CDH4: variants seen among roughly 807,000 people sequenced by gnomAD.
The protein encoded by CDH4 is cadherin-4.
A neutral mutation model predicts 86.0 loss-of-function variants in CDH4; 33 were observed. The observed-to-expected ratio is 0.38, with a 90% CI of 0.29 to 0.51. The LOEUF is 0.51. CDH4 is among the 20% of genes least tolerant of loss of function. The probability of loss-of-function intolerance (pLI) is 0.86; values close to 1 mark genes in which losing one functional copy is unlikely to be tolerated. For missense variants in CDH4, 1,114 were observed against 1,307.4 expected (o/e 0.85, Z 2.28); for synonymous variants, 555 against 549.4 (o/e 1.01, Z -0.14).
rs1198103689 is a variant in CDH4, at chr20:61,518,795, TCATC to T, written c.170-224761_170-224758del. Among the ~76,000 whole-genome samples, 2 of 151,708 alleles carry T rather than the reference TCATC, an allele frequency of 1.3e-5. No homozygotes were observed. The highest frequency in any genetic ancestry group is 1.3e-4 in the Admixed American group (2 of 15,252). On this transcript the variant is annotated intron_variant, in intron 2 of 15. Coordinates refer to ENST00000614565, the MANE Select transcript of CDH4 (RefSeq NM_001794.5). This position sits in a 1 kb window ranked among gnomAD's most constrained non-coding sequence, Gnocchi z 6.3. Reference sequence around the variant, plus strand: ...ATCCATCCTTTCATCCATCATTCATTCATCCATCCACCCATCATCCATCCATTAA... The same window carrying T: ...ATCCATCCTTTCATCCATCATTCATTCATCCACCCATCATCCATCCATTAA...
At chr20:61,527,596 C>T (rs2085920103) in intron 2 of CDH4, among the ~76,000 whole-genome samples, 1 of 152,152 alleles carries the variant, frequency 6.6e-6, no homozygotes, top group Admixed American at 6.6e-5. Flanking sequence ...AGCAGGGATC[C>T]ATGCAGTGAG....
chr20:61,355,276 G>A (rs1194185089), intron 2 of CDH4, among the ~76,000 whole-genome samples: 2 of 152,224 alleles, frequency 1.3e-5, no homozygotes, highest in East Asian at 1.9e-4. Context: ...AAAGGCTGGA[G>A]CAGGAACCGG....
chr20:61,846,397 G>T (rs1048733913), intron 5 of CDH4, among the ~76,000 whole-genome samples: 3 of 152,204 alleles, frequency 2.0e-5, no homozygotes, highest in Non-Finnish European at 2.9e-5. Context: ...TCCCAAAACG[G>T]GCTTTGGGCT....
At chr20:61,267,310 G>T (rs752435103) in intron 2 of CDH4, among the ~76,000 whole-genome samples, 1 of 152,182 alleles carries the variant, frequency 6.6e-6, no homozygotes, top group African/African-American at 2.4e-5. Flanking sequence ...CAGGGAATCC[G>T]ATCTTTGCGA....
At chr20:61,531,452 G>A (rs1020079995) in intron 2 of CDH4, among the ~76,000 whole-genome samples, 24 of 131,018 alleles carry the variant, frequency 1.8e-4, no homozygotes, top group African/African-American at 4.3e-4. Flanking sequence ...CAGCCTGGGC[G>A]ACAGAGCAAG....
intron 7 of CDH4, among the ~76,000 whole-genome samples, chr20:61,877,602 T>A (rs1255396767): frequency 6.6e-6 from 1 of 152,104 alleles, no homozygotes; most frequent in Non-Finnish European, 1.5e-5. Context: ...TCAGGCGTGG[T>A]GTGCTGGAGA....
intron 2 of CDH4, among the ~76,000 whole-genome samples, chr20:61,600,556 T>G (rs2086592469): frequency 6.6e-6 from 1 of 152,180 alleles, no homozygotes; most frequent in South Asian, 2.1e-4. Context: ...CAACTCACCC[T>G]GCGCAGTGCC....
rs187550857 is a variant in CDH4, at chr20:61,748,091, G to A, written c.396+4302G>A. 3.6e-3 allele frequency among the ~76,000 whole-genome samples: 552 copies of A among 152,306 alleles called. 2 individuals carry two copies. The highest frequency in any genetic ancestry group is 0.013 in the African/African-American group (520 of 41,550). On this transcript the variant is annotated intron_variant, in intron 3 of 15. Transcript: ENST00000614565. Reference sequence around the variant, plus strand: ...ACTTCTCCGCAGGAGCTGGGGCGTTGTGGGGGGGTTGGAAGACCGTTCCAT... The same window carrying A: ...ACTTCTCCGCAGGAGCTGGGGCGTTATGGGGGGGTTGGAAGACCGTTCCAT...
intron 2 of CDH4, among the ~76,000 whole-genome samples, chr20:61,298,125 G>A (rs2084366679): frequency 6.6e-6 from 1 of 151,700 alleles, no homozygotes. Context: ...GGTGCTTGGA[G>A]TAAGTGAAGA....
intron 2 of CDH4, among the ~76,000 whole-genome samples, chr20:61,462,181 A>G (rs188048512): frequency 3.9e-4 from 59 of 152,326 alleles, no homozygotes; most frequent in Non-Finnish European, 5.4e-4. Context: ...TTGAACCGCC[A>G]TCTCCCAGCC....
intron 2 of CDH4, chr20:61,719,316 AGGTAC>A: frequency 2.8e-6 from 1 of 358,738 alleles, no homozygotes; most frequent in Non-Finnish European, 5.8e-6. Flanking sequence ...GAATCTTCCA[AGGTAC>A]GAGTCAGCCA....
At position 61,708,267 on chromosome 20, in the gene CDH4, C is replaced by G. The variant is rs888407104; in HGVS notation, c.170-35296C>G. Reference sequence around the variant, plus strand: ...TGGCCAGCAGGGGGTTGACTTTTACCCCGAACCAGATGTACCAAGCACCCC... The same window carrying G: ...TGGCCAGCAGGGGGTTGACTTTTACGCCGAACCAGATGTACCAAGCACCCC... On this transcript the variant is annotated intron_variant, in intron 2 of 15. Coordinates refer to ENST00000614565, the MANE Select transcript of CDH4 (RefSeq NM_001794.5). This position sits in a 1 kb window ranked among gnomAD's most constrained non-coding sequence, Gnocchi z 4.5. 1.3e-5 allele frequency among the ~76,000 whole-genome samples: 2 copies of G among 152,042 alleles called. No homozygotes were observed. The highest frequency in any genetic ancestry group is 1.5e-5 in the Non-Finnish European group (1 of 67,984).
intron 2 of CDH4, among the ~76,000 whole-genome samples, chr20:61,714,025 T>TG: frequency 7.5e-6 from 1 of 132,698 alleles, no homozygotes; most frequent in African/African-American, 3.7e-5. Context: ...ATTCTTTTTT[T>TG]ATTTTATTTT....
In CDH4 at chr20:61,793,914, A is replaced by G. The variant is rs1384116026; in HGVS notation, c.576+20732A>G. 2.3e-4 allele frequency among the ~76,000 whole-genome samples: 34 copies of G among 150,608 alleles called. No homozygotes were observed. The East Asian group carries it at 2.8e-3, about 12-fold the overall frequency. Reference sequence around the variant, plus strand: ...AGCACTTTGGGAGGCCAAGGCGGGTAGATCACGAAGTCAGGAGATAGAGAG... The same window carrying G: ...AGCACTTTGGGAGGCCAAGGCGGGTGGATCACGAAGTCAGGAGATAGAGAG... On this transcript the variant is annotated intron_variant, in intron 4 of 15. Coordinates refer to ENST00000614565, the MANE Select transcript of CDH4 (RefSeq NM_001794.5).
At chr20:61,728,534 A>T (rs536904242) in intron 2 of CDH4, among the ~76,000 whole-genome samples, 5 of 152,276 alleles carry the variant, frequency 3.3e-5, no homozygotes, top group African/African-American at 1.2e-4. Flanking sequence ...CCAGGTGAGC[A>T]CTGGCCCACC....
At chr20:61,614,494 C>G (rs879298272) in intron 2 of CDH4, among the ~76,000 whole-genome samples, 57 of 152,036 alleles carry the variant, frequency 3.7e-4, no homozygotes, top group Non-Finnish European at 5.1e-4. Flanking sequence ...TCCTGGGAAC[C>G]GTCAGTCAGA....
chr20:61,848,460 C>A (rs555813516), intron 5 of CDH4, among the ~76,000 whole-genome samples: 142 of 152,372 alleles, frequency 9.3e-4, no homozygotes, highest in African/African-American at 3.1e-3. Context: ...TAGCCTCAAC[C>A]TCCCAGGCTC....
chr20:61,424,055 A>G (rs1284450057), intron 2 of CDH4, among the ~76,000 whole-genome samples: 1 of 152,108 alleles, frequency 6.6e-6, no homozygotes. Flanking sequence ...ACACTCATAT[A>G]TACATACACA....
At chr20:61,798,977 C>T (rs1173298173) in intron 4 of CDH4, among the ~76,000 whole-genome samples, 1 of 152,260 alleles carries the variant, frequency 6.6e-6, no homozygotes, top group South Asian at 2.1e-4. Flanking sequence ...TTGTGATCAA[C>T]AGTCCCCTGA....
Sources: gnomAD v4.1 joint callset for allele counts (sites outside exome capture counted in the v4.1 genomes callset) on GRCh38, gnomAD v4.1.1 for gene constraint, Gnocchi (gnomAD v3.1) non-coding constraint, MANE v1.5 for transcripts, NCBI Gene and HGNC (gene_info 2026-07-23, HGNC 2026-07-21) for gene names.